The following TOP6BL variants were observed in gnomAD, a reference collection of about 807,000 sequenced individuals.
The protein encoded by TOP6BL is TOP6B like initiator of meiotic double strand breaks.
chr11:66,825,707 G>A, the TOP6BL span, among the ~76,000 whole-genome samples: 1 of 152,260 alleles, frequency 6.6e-6, no homozygotes, highest in East Asian at 1.9e-4. Context: ...ATAGCAGCCC[G>A]AATGGACTAA....
chr11:66,744,782 T>A, the TOP6BL span: 1 of 1,248,328 alleles, frequency 8.0e-7, no homozygotes. Context: ...GACTCGGGCG[T>A]GGGCACTGGC....
the TOP6BL span, among the ~76,000 whole-genome samples, chr11:66,817,630 G>A: frequency 6.6e-6 from 1 of 152,040 alleles, no homozygotes; most frequent in East Asian, 1.9e-4. Flanking sequence ...GTAGAGATGG[G>A]GTTTCACCAT....
the TOP6BL span, among the ~76,000 whole-genome samples, chr11:66,819,904 T>TAA: frequency 8.4e-6 from 1 of 119,732 alleles, no homozygotes; most frequent in Non-Finnish European, 1.7e-5. Flanking sequence ...ACTCTTGTCT[T>TAA]AAAAAAAAAA....
the TOP6BL span, chr11:66,843,029 C>A: frequency 6.4e-7 from 1 of 1,555,264 alleles, no homozygotes. Context: ...CACGGCAGGG[C>A]CCTGGCGCCG....
At chr11:66,801,804 C>T in the TOP6BL span, among the ~76,000 whole-genome samples, 3 of 151,978 alleles carry the variant, frequency 2.0e-5, no homozygotes, top group Non-Finnish European at 4.4e-5. Flanking sequence ...CCACTGCACT[C>T]CAGCGACAGA....
chr11:66,745,060 C>T, the TOP6BL span: 12 of 904,430 alleles, frequency 1.3e-5, no homozygotes, highest in Non-Finnish European at 1.6e-5. Flanking sequence ...CCGTCTCCCA[C>T]GGGGAAGCGA....
the TOP6BL span, chr11:66,756,484 C>T: frequency 9.4e-7 from 1 of 1,064,974 alleles, no homozygotes; most frequent in Non-Finnish European, 1.2e-6. Context: ...AGATGCCCAC[C>T]ACCATGCCTG....
chr11:66,820,687 G>A, the TOP6BL span, among the ~76,000 whole-genome samples: 384 of 152,300 alleles, frequency 2.5e-3, 3 homozygotes, highest in Non-Finnish European at 4.2e-3. Flanking sequence ...TCACATAGAC[G>A]TAGAGTAGGG....
the TOP6BL span, among the ~76,000 whole-genome samples, chr11:66,769,504 G>A: frequency 6.7e-6 from 1 of 148,306 alleles, no homozygotes; most frequent in African/African-American, 2.5e-5. Context: ...AGAAAAAAAA[G>A]GTGAATAAAT....
chr11:66,776,617 A>G, the TOP6BL span, among the ~76,000 whole-genome samples: 6 of 151,930 alleles, frequency 3.9e-5, no homozygotes, highest in East Asian at 1.2e-3. Context: ...GCAAGTCCCC[A>G]TCTCTTAGAA....
chr11:66,764,428 C>T, the TOP6BL span, among the ~76,000 whole-genome samples: 4 of 146,962 alleles, frequency 2.7e-5, no homozygotes, highest in African/African-American at 1.0e-4. Context: ...CCTAGGCGGG[C>T]GGATCACAAG....
chr11:66,750,042 T>A, the TOP6BL span, among the ~76,000 whole-genome samples: 1 of 152,172 alleles, frequency 6.6e-6, no homozygotes, highest in African/African-American at 2.4e-5. Context: ...TTCCCCCTAC[T>A]TGCCAAGGAT....
chr11:66,779,079 A>T, the TOP6BL span, among the ~76,000 whole-genome samples: 1 of 152,230 alleles, frequency 6.6e-6, no homozygotes, highest in African/African-American at 2.4e-5. Flanking sequence ...AACCTAGGCA[A>T]TACCATTCAG....
the TOP6BL span, among the ~76,000 whole-genome samples, chr11:66,782,667 T>C: frequency 2.4e-4 from 36 of 152,290 alleles, 1 homozygote; most frequent in African/African-American, 7.7e-4. Flanking sequence ...ATTGTAACCT[T>C]GTGCTATCTA....
At chr11:66,833,568 G>A in the TOP6BL span, among the ~76,000 whole-genome samples, 4 of 152,070 alleles carry the variant, frequency 2.6e-5, no homozygotes, top group Admixed American at 2.6e-4. Flanking sequence ...GGATATAAGC[G>A]CAGAGGGACT....
the TOP6BL span, chr11:66,800,883 C>G: frequency 1.0e-6 from 1 of 1,000,852 alleles, no homozygotes; most frequent in Non-Finnish European, 1.5e-6. Context: ...AGGGGGTAAA[C>G]TTAAAGATTG....
the TOP6BL span, among the ~76,000 whole-genome samples, chr11:66,807,553 A>G: frequency 3.3e-5 from 5 of 152,154 alleles, no homozygotes; most frequent in Admixed American, 6.5e-5. Flanking sequence ...CCTGGGCAAC[A>G]AGAGTGAGAC....
chr11:66,804,019 A>G, the TOP6BL span: 1 of 1,607,994 alleles, frequency 6.2e-7, no homozygotes, highest in Non-Finnish European at 8.5e-7. Flanking sequence ...GTACAATTGA[A>G]TCACACTGCA....
At chr11:66,841,177 C>T in the TOP6BL span, among the ~76,000 whole-genome samples, 119 of 131,916 alleles carry the variant, frequency 9.0e-4, no homozygotes, top group East Asian at 0.018. Flanking sequence ...AGTGCAGTGG[C>T]GTGATCTCGG....
Sources: gnomAD v4.1 joint callset for allele counts (sites outside exome capture counted in the v4.1 genomes callset) on GRCh38, gnomAD v4.1.1 for gene constraint, MANE v1.5 for transcripts, NCBI Gene and HGNC (gene_info 2026-07-23, HGNC 2026-07-21) for gene names.